The following NECTIN1 variants were observed in gnomAD, a reference collection of about 807,000 sequenced individuals.
NECTIN1 encodes the protein nectin cell adhesion molecule 1, also known as nectin-1.
Under a neutral mutation model 48.0 loss-of-function variants are expected in NECTIN1, and 23 were observed. That is an observed-to-expected ratio of 0.48 (90% CI 0.34 to 0.68). NECTIN1 has a LOEUF of 0.68. Among genes scored for constraint, NECTIN1 ranks in the 30% least tolerant of loss-of-function variants. The pLI, the probability that NECTIN1 is intolerant of heterozygous loss-of-function variation, is 0.01. For missense variants in NECTIN1, 591 were observed against 709.9 expected (o/e 0.83, Z 1.90); for synonymous variants, 270 against 288.9 (o/e 0.93, Z 0.66).
chr11:119,657,510 G>T (rs1463148227), downstream of NECTIN1, among the ~76,000 whole-genome samples: 1 of 151,378 alleles, frequency 6.6e-6, no homozygotes, highest in Non-Finnish European at 1.5e-5. Context: ...AGCTATTGGG[G>T]AGCCTGAGGT....
At chr11:119,642,611 A>T (rs1864343500) in intron 5 of NECTIN1, 1 of 153,696 alleles carries the variant, frequency 6.5e-6, no homozygotes, top group East Asian at 1.9e-4. Flanking sequence ...CCCTTTCATC[A>T]TCCTTACAGT....
intron 5 of NECTIN1, among the ~76,000 whole-genome samples, chr11:119,649,688 T>C (rs748436149): frequency 2.6e-5 from 4 of 151,864 alleles, no homozygotes; most frequent in Non-Finnish European, 5.9e-5. Context: ...AGACTCCGTC[T>C]CCAAAAAAAA....
chr11:119,699,975 C>T (rs1591475299), intron 1 of NECTIN1, among the ~76,000 whole-genome samples: 1 of 152,218 alleles, frequency 6.6e-6, no homozygotes, highest in Admixed American at 6.5e-5. Context: ...CACCACCACC[C>T]CAGCCCCTGA....
intron 5 of NECTIN1, among the ~76,000 whole-genome samples, chr11:119,667,938 G>C (rs1864802189): frequency 6.6e-6 from 1 of 152,170 alleles, no homozygotes; most frequent in African/African-American, 2.4e-5. Flanking sequence ...AAATAGGGGG[G>C]TCGAGATGTT....
intron 5 of NECTIN1, among the ~76,000 whole-genome samples, chr11:119,647,230 ACC>A (rs56196129): frequency 0.34 from 34,622 of 102,096 alleles, 5,974 homozygotes; most frequent in South Asian, 0.57. Context: ...TGTGACTGTG[ACC>A]CCCTTTGGAA....
At chr11:119,697,867 C>G (rs1340788952) in intron 1 of NECTIN1, among the ~76,000 whole-genome samples, 1 of 152,256 alleles carries the variant, frequency 6.6e-6, no homozygotes, top group East Asian at 1.9e-4. Flanking sequence ...ATTATAAGTT[C>G]TCAACAAATT....
rs1031773395 is a variant in NECTIN1, at chr11:119,665,267, T to C, written c.1034A>G (p.His345Arg). ...GGGCACCGGCCCGGCGCGCCGCCCA[T>C]GTTCGGGAGGAGACGGGGTGTAGGG... is the stretch of plus-strand genomic sequence containing the variant. ...EFPYTPSPPEHGRRAGPVPTA... is the reference protein window; with the variant it reads ...EFPYTPSPPERGRRAGPVPTA... The change falls in exon 6 of 6, where the codon CAT becomes CGT. Residue 345 changes from histidine to arginine, a missense_variant. By Grantham distance (29) the His-to-Arg change is conservative. Coordinates refer to ENST00000264025, the MANE Select transcript of NECTIN1 (RefSeq NM_002855.5). The surrounding 1 kb of genome is among the most constrained non-coding windows in gnomAD (Gnocchi z 5.1). The C allele has an allele frequency of 1.9e-6, 3 of 1,595,546 alleles. No individual in the cohort carries two copies. Among genetic ancestry groups the C allele is most frequent in the South Asian group, 2.2e-5 (2 of 90,808 alleles).
At chr11:119,694,222 A>C (rs1865307588) in intron 1 of NECTIN1, among the ~76,000 whole-genome samples, 1 of 152,096 alleles carries the variant, frequency 6.6e-6, no homozygotes. Context: ...CAGGGGAAGC[A>C]GGAGCTGGCA....
In NECTIN1 at chr11:119,644,593, T is replaced by A. The variant is rs546088534; in HGVS notation, c.1004-4581A>T. Among the ~76,000 whole-genome samples, 15 of 152,344 alleles carry A rather than the reference T, an allele frequency of 9.8e-5. No individual in the cohort carries two copies. The East Asian group carries it at 2.3e-3, about 24-fold the overall frequency. On this transcript the variant is annotated intron_variant, in intron 5 of 7. Transcript: ENST00000341398. Reference sequence around the variant, plus strand: ...CGGTGTGAGGGGCTTGCCCCCTGGCTAATGGAGGAGTCATACACGTATGCA... The same window carrying A: ...CGGTGTGAGGGGCTTGCCCCCTGGCAAATGGAGGAGTCATACACGTATGCA...
intron 5 of NECTIN1, among the ~76,000 whole-genome samples, chr11:119,666,230 A>C (rs1001767251): frequency 6.6e-6 from 1 of 152,212 alleles, no homozygotes; most frequent in Non-Finnish European, 1.5e-5. Context: ...CCGTCATAGC[A>C]AGCCTGCCAC....
intron 7 of NECTIN1, chr11:119,638,677 T>C: frequency 6.6e-7 from 1 of 1,518,076 alleles, no homozygotes; most frequent in Non-Finnish European, 9.1e-7. Flanking sequence ...CCATCTCCCA[T>C]TTTTCTCCCT....
intron 1 of NECTIN1, among the ~76,000 whole-genome samples, chr11:119,715,098 G>GT (rs1490213647): frequency 6.6e-6 from 1 of 152,224 alleles, no homozygotes; most frequent in African/African-American, 2.4e-5. Flanking sequence ...ATGGAGGGTG[G>GT]TGAGTACCCT....
rs1251968543 is a variant in NECTIN1 at position 119,639,826 on chromosome 11, C to T, written c.1151+39G>A. The T allele has an allele frequency of 3.1e-6, 5 of 1,613,476 alleles. No homozygotes were observed. In the African/African-American group the frequency reaches 5.3e-5, roughly 17 times the overall value. ...GGCTCCCAGGGTGCTGGGGAGCAGA[C>T]CAGTGGGAGTTTAGTGGGCAGAGTC... On this transcript the variant is annotated intron_variant, in intron 6 of 7. Transcript: ENST00000341398.
chr11:119,679,669 G>A (rs1041495862), intron 1 of NECTIN1, among the ~76,000 whole-genome samples: 2 of 151,494 alleles, frequency 1.3e-5, no homozygotes, highest in Admixed American at 6.6e-5. Context: ...CATTTATTCA[G>A]CCACGATTTG....
At chr11:119,695,827 C>A (rs1865333155) in intron 1 of NECTIN1, among the ~76,000 whole-genome samples, 1 of 152,196 alleles carries the variant, frequency 6.6e-6, no homozygotes, top group African/African-American at 2.4e-5. Context: ...TTTGCAAGTG[C>A]TGATCCCATC....
intron 5 of NECTIN1, among the ~76,000 whole-genome samples, chr11:119,644,086 C>T (rs936589545): frequency 9.2e-5 from 14 of 152,226 alleles, no homozygotes; most frequent in African/African-American, 2.9e-4. Flanking sequence ...AGCCCGCACT[C>T]GGTCCTGGCT....
intron 5 of NECTIN1, among the ~76,000 whole-genome samples, chr11:119,649,890 G>A (rs1864463886): frequency 6.6e-6 from 1 of 152,142 alleles, no homozygotes. Context: ...GCCACTGAGG[G>A]TTTCATGTGT....
At position 119,665,793 on chromosome 11, in the gene NECTIN1, G is replaced by T. The variant is rs569568834; in HGVS notation, c.1004-496C>A. Among the ~76,000 whole-genome samples the T allele has an allele frequency of 1.3e-4, 20 of 152,308 alleles. No individual in the cohort carries two copies. The highest frequency in any genetic ancestry group is 4.6e-4 in the Admixed American group (7 of 15,304). ...TCGTTGCTTCTCCTGCACATAGAACGTGTGCAAATGTCACTGATACCCCTC... is the reference window on the plus strand; with the variant it reads ...TCGTTGCTTCTCCTGCACATAGAACTTGTGCAAATGTCACTGATACCCCTC... On this transcript the variant is annotated intron_variant, in intron 5 of 5. Coordinates refer to ENST00000264025, the MANE Select transcript of NECTIN1 (RefSeq NM_002855.5). This position sits in a 1 kb window ranked among gnomAD's most constrained non-coding sequence, Gnocchi z 5.1.
At chr11:119,702,785 T>C (rs1274663944) in intron 1 of NECTIN1, among the ~76,000 whole-genome samples, 1 of 152,222 alleles carries the variant, frequency 6.6e-6, no homozygotes, top group African/African-American at 2.4e-5. Context: ...CCCTGGCATA[T>C]GATGGCTCAG....
Sources: gnomAD v4.1 joint callset for allele counts (sites outside exome capture counted in the v4.1 genomes callset) on GRCh38, gnomAD v4.1.1 for gene constraint, Gnocchi (gnomAD v3.1) non-coding constraint, MANE v1.5 for transcripts, NCBI Gene and HGNC (gene_info 2026-07-23, HGNC 2026-07-21) for gene names.